The following PRKDC variants were observed in gnomAD, a reference collection of about 807,000 sequenced individuals.
PRKDC encodes DNA-dependent protein kinase catalytic subunit.
Under a neutral mutation model 486.9 loss-of-function variants are expected in PRKDC, and 82 were observed. The ratio of observed to expected loss-of-function variants is 0.17; its 90% CI spans 0.14 to 0.20. The LOEUF is 0.20. Among genes scored for constraint, PRKDC ranks in the 10% least tolerant of loss-of-function variants. The pLI, the probability that PRKDC is intolerant of heterozygous loss-of-function variation, is 1.00. For synonymous variants in PRKDC, 1,895 were observed against 1,837.0 expected (o/e 1.03, Z -0.81); for missense variants, 4,504 against 5,038.2 (o/e 0.89, Z 3.21).
In PRKDC at chr8:47,906,218, G is replaced by GT. The variant is rs567495095; in HGVS notation, c.2935-1243dup. Among the ~76,000 whole-genome samples, 792 of 152,242 alleles carry GT rather than the reference G, an allele frequency of 5.2e-3. 12 individuals carry two copies. The highest frequency in any genetic ancestry group is 0.018 in the African/African-American group (766 of 41,532). ...TTTAACTAGCTAGGCACGGTGGTGC[G>GT]TGCCTGTAGTCCCAGCTACTCAGGA... On this transcript the variant is annotated intron_variant, in intron 25 of 85. Coordinates refer to ENST00000314191, the MANE Select transcript of PRKDC (RefSeq NM_006904.7).
intron 40 of PRKDC, among the ~76,000 whole-genome samples, chr8:47,872,526 C>G (rs2088978585): frequency 6.8e-6 from 1 of 147,442 alleles, no homozygotes; most frequent in African/African-American, 2.5e-5. Context: ...AAAAAATGAT[C>G]TGTTGCCTGC....
chr8:47,773,179 C>T lies in PRKDC; in HGVS notation c.*994G>A, dbSNP rs545869252. 1.9e-4 allele frequency: 40 copies of T among 211,078 alleles called. No individual in the cohort carries two copies. The highest frequency in any genetic ancestry group is 2.9e-5 in the Non-Finnish European group (3 of 104,094). 13.1% of individuals were successfully genotyped at this position (211,078 alleles called of 1,614,324 possible). A position where few individuals can be genotyped will look rare whatever the true frequency, so the allele number is the denominator to read the frequency against. ...AAAATCACAGAAGAGCCTCCAAATA[C>T]AAGTGTTAGAAGGAAAAAAAAAAAC... On this transcript the variant is annotated 3_prime_UTR_variant, in exon 86 of 86. Coordinates refer to ENST00000314191, the MANE Select transcript of PRKDC (RefSeq NM_006904.7).
chr8:47,901,410 GTT>G (rs1589778509), intron 27 of PRKDC, among the ~76,000 whole-genome samples: 1 of 150,876 alleles, frequency 6.6e-6, no homozygotes, highest in East Asian at 2.0e-4. Context: ...GGAAGCAGAG[GTT>G]GCAGTGAGCC....
intron 68 of PRKDC, 32 bp downstream of exon 68, chr8:47,817,418 T>A: frequency 7.1e-7 from 1 of 1,409,682 alleles, no homozygotes; most frequent in Non-Finnish European, 9.8e-7. Flanking sequence ...CAAAAAACAA[T>A]CCACATTTGA....
At chr8:47,952,567 CA>C (rs1353114454) in intron 7 of PRKDC, among the ~76,000 whole-genome samples, 1 of 152,092 alleles carries the variant, frequency 6.6e-6, no homozygotes, top group East Asian at 1.9e-4. Context: ...CAGAATTACA[CA>C]AAACTCGCTA....
chr8:47,774,288 G>A lies in PRKDC; in HGVS notation c.12272C>T (p.Ala4091Val), dbSNP rs1328372525. 3 of 1,612,020 alleles carry A rather than the reference G, an allele frequency of 1.9e-6. No homozygotes were observed. ...ARGSKDHNIRAQEPESGLSEE... is the reference protein window; with the variant it reads ...ARGSKDHNIRVQEPESGLSEE... Reference sequence around the variant, plus strand: ...TGAAAGCCCACTCTCTGGTTCTTGGGCACGAATGTTGTGATCTTTGCTTCC... The same window carrying A: ...TGAAAGCCCACTCTCTGGTTCTTGGACACGAATGTTGTGATCTTTGCTTCC... The change falls in exon 86 of 86, where the codon GCC (alanine) becomes GTC (valine). Residue 4091 changes from alanine to valine, a missense_variant. By Grantham distance (64) the Ala-to-Val change is moderately conservative (BLOSUM62 0). Transcript: ENST00000314191.
At chr8:47,891,790 A>G (rs1038158939) in intron 31 of PRKDC, among the ~76,000 whole-genome samples, 3 of 152,172 alleles carry the variant, frequency 2.0e-5, no homozygotes, top group Non-Finnish European at 2.9e-5. Flanking sequence ...TGTAAGACAC[A>G]CTGCAACCAT....
intron 66 of PRKDC, 67 bp from the exon 67 acceptor site, chr8:47,819,577 CTT>C (rs2087536608): frequency 2.3e-6 from 2 of 857,898 alleles, no homozygotes; most frequent in East Asian, 3.0e-5. Context: ...CAAGCTGTGA[CTT>C]TAAGTTTTTA....
chr8:47,947,492 C>A (rs1321081125), intron 7 of PRKDC, among the ~76,000 whole-genome samples: 2 of 152,236 alleles, frequency 1.3e-5, no homozygotes, highest in Non-Finnish European at 2.9e-5. Context: ...CATGGCCAGG[C>A]ACAGTGCCTC....
At chr8:47,799,432 CT>C in intron 71 of PRKDC, 42 bp from the exon 72 acceptor site, 8 of 1,432,956 alleles carry the variant, frequency 5.6e-6, no homozygotes, top group Non-Finnish European at 7.3e-6. Flanking sequence ...ATGACTGAAG[CT>C]TTCTCAAAGA....
chr8:47,945,414 C>T (rs2090516063), intron 7 of PRKDC, among the ~76,000 whole-genome samples: 1 of 152,164 alleles, frequency 6.6e-6, no homozygotes, highest in Admixed American at 6.5e-5. Flanking sequence ...CTCCCATTTC[C>T]CCTCCCCCAG....
At chr8:47,955,205 G>A (rs896311120) in intron 4 of PRKDC, among the ~76,000 whole-genome samples, 2 of 151,356 alleles carry the variant, frequency 1.3e-5, no homozygotes, top group African/African-American at 2.4e-5. Context: ...GCTCACACCT[G>A]TAATCCCAGC....
intron 76 of PRKDC, among the ~76,000 whole-genome samples, chr8:47,788,221 T>G (rs1451209545): frequency 6.6e-6 from 1 of 152,184 alleles, no homozygotes; most frequent in Non-Finnish European, 1.5e-5. Flanking sequence ...TGGGGAGGGT[T>G]GGGAAAGGCT....
At chr8:47,794,605 G>A (rs772583691) in intron 73 of PRKDC, 104 bp from the exon 74 acceptor site, 37 of 1,049,036 alleles carry the variant, frequency 3.5e-5, no homozygotes, top group African/African-American at 6.5e-5. Flanking sequence ...GTATAAAAAC[G>A]CAAGTACAAA....
intron 32 of PRKDC, 70 bp from the exon 33 acceptor site, chr8:47,889,292 A>C: frequency 7.3e-7 from 1 of 1,369,730 alleles, no homozygotes; most frequent in South Asian, 1.5e-5. Context: ...TGCAGGGCCC[A>C]CAAGGTTGGG....
At chr8:47,774,513 G>T in intron 85 of PRKDC, 136 bp from the exon 86 acceptor site, 1 of 829,926 alleles carries the variant, frequency 1.2e-6, no homozygotes, top group Non-Finnish European at 1.8e-6. Flanking sequence ...TAACCTTGAA[G>T]TCAAAGACTG....
At position 47,774,163 on chromosome 8, in the gene PRKDC, C is replaced by G; in HGVS notation, c.*10G>C. Reference sequence around the variant, plus strand: ...ATGTAATGCTTTCTATCTGCAGACTCCCACAGACCTCACATCCAGGGCTCC... The same window carrying G: ...ATGTAATGCTTTCTATCTGCAGACTGCCACAGACCTCACATCCAGGGCTCC... On this transcript the variant is annotated 3_prime_UTR_variant, in exon 86 of 86. Transcript: ENST00000314191. 1 of 1,563,878 alleles carries G rather than the reference C, an allele frequency of 6.4e-7. No homozygotes were observed. Among genetic ancestry groups the G allele is most frequent in the Non-Finnish European group, 8.7e-7 (1 of 1,153,518 alleles).
At chr8:47,956,683 A>C (rs1460824580) in intron 3 of PRKDC, among the ~76,000 whole-genome samples, 1 of 152,098 alleles carries the variant, frequency 6.6e-6, no homozygotes, top group African/African-American at 2.4e-5. Flanking sequence ...AGCCTGGATG[A>C]CAGAGCAAAA....
In PRKDC at chr8:47,913,893, A is replaced by T; in HGVS notation, c.2781+8T>A. 2 of 1,591,494 alleles carry T rather than the reference A, an allele frequency of 1.3e-6. No homozygotes were observed. The highest frequency in any genetic ancestry group is 1.7e-6 in the Non-Finnish European group (2 of 1,170,922). On this transcript the variant is annotated splice_region_variant and intron_variant, in intron 24 of 85. Transcript: ENST00000314191. ...CTAAATAATGGGTGAAATGAAAAAT[A>T]GAAGTACTTTAGTTTGTCTGTCACT...
Sources: allele counts gnomAD v4.1 joint callset (sites outside exome capture counted in the v4.1 genomes callset), GRCh38; gene constraint gnomAD v4.1.1; transcripts MANE v1.5; gene names NCBI Gene and HGNC (gene_info 2026-07-23, HGNC 2026-07-21).